The following KIF16B variants were observed in gnomAD, a reference collection of about 807,000 sequenced individuals.
KIF16B encodes kinesin-like protein KIF16B.
A neutral mutation model predicts 156.3 loss-of-function variants in KIF16B; 98 were observed. That is an observed-to-expected ratio of 0.63 (90% CI 0.53 to 0.74). The LOEUF is 0.74. Ranked by LOEUF, KIF16B falls within the 30% of genes least tolerant of loss-of-function variation. KIF16B has a pLI of 0.00. For synonymous variants in KIF16B, 564 were observed against 583.7 expected (o/e 0.97, Z 0.49); for missense variants, 1,421 against 1,606.5 (o/e 0.88, Z 1.97).
At chr20:16,453,302 A>G (rs2067133193) in intron 12 of KIF16B, among the ~76,000 whole-genome samples, 1 of 152,128 alleles carries the variant, frequency 6.6e-6, no homozygotes, top group Non-Finnish European at 1.5e-5. Context: ...TATAAACTAT[A>G]TAAAATGAAT....
chr20:16,488,290 G>A (rs569605394), intron 12 of KIF16B, among the ~76,000 whole-genome samples: 5 of 152,322 alleles, frequency 3.3e-5, no homozygotes, highest in African/African-American at 9.6e-5. Context: ...CCCTTCTGCC[G>A]CACCATCTGT....
At chr20:16,360,742 G>A (rs1007187344) in intron 22 of KIF16B, among the ~76,000 whole-genome samples, 1 of 152,052 alleles carries the variant, frequency 6.6e-6, no homozygotes. Flanking sequence ...TCCATTCTTG[G>A]TGAAACACTG....
At chr20:16,417,557 A>C (rs2066121445) in intron 15 of KIF16B, among the ~76,000 whole-genome samples, 1 of 152,214 alleles carries the variant, frequency 6.6e-6, no homozygotes, top group Non-Finnish European at 1.5e-5. Context: ...AGAAAGAACC[A>C]GGAAAATCCC....
At chr20:16,393,166 A>C (rs2065411696) in intron 17 of KIF16B, among the ~76,000 whole-genome samples, 1 of 152,230 alleles carries the variant, frequency 6.6e-6, no homozygotes, top group Non-Finnish European at 1.5e-5. Context: ...ACTTAAATAT[A>C]TGTACTTAAA....
intron 22 of KIF16B, among the ~76,000 whole-genome samples, chr20:16,369,615 T>C (rs561607717): frequency 1.3e-5 from 2 of 152,300 alleles, no homozygotes; most frequent in African/African-American, 2.4e-5. Context: ...AATTTAGTTA[T>C]GAAAATAAGT....
intron 24 of KIF16B, among the ~76,000 whole-genome samples, chr20:16,324,151 T>C (rs1200883626): frequency 1.3e-5 from 2 of 152,068 alleles, no homozygotes; most frequent in African/African-American, 4.8e-5. Flanking sequence ...ATTTGAATTG[T>C]TGCAGAGACA....
At chr20:16,301,013 G>A (rs141470156) in intron 25 of KIF16B, among the ~76,000 whole-genome samples, 5 of 152,078 alleles carry the variant, frequency 3.3e-5, no homozygotes, top group Admixed American at 2.6e-4. Flanking sequence ...TCAAATCCCT[G>A]GCAACCACTG....
intron 25 of KIF16B, among the ~76,000 whole-genome samples, chr20:16,274,344 T>A (rs1225287761): frequency 6.6e-6 from 1 of 152,130 alleles, no homozygotes; most frequent in Non-Finnish European, 1.5e-5. Context: ...TTATCTGCCG[T>A]TTTTGGCACT....
chr20:16,345,840 G>T (rs2064223385), intron 23 of KIF16B, among the ~76,000 whole-genome samples: 1 of 152,202 alleles, frequency 6.6e-6, no homozygotes, highest in Non-Finnish European at 1.5e-5. Context: ...TGGTGCTCTT[G>T]GGAGAACACA....
Position 16,404,833 on chromosome 20 carries a change from T to C in KIF16B, c.1764A>G (p.Ala588=). 6.2e-7 allele frequency: 1 copy of C among 1,613,232 alleles called. No individual in the cohort carries two copies. Among genetic ancestry groups the C allele is most frequent in the Non-Finnish European group, 8.5e-7 (1 of 1,179,432 alleles). Residue 588 remains alanine, a synonymous_variant, in exon 17 of 26, where the codon GCA becomes GCG. Coordinates refer to ENST00000354981, the MANE Select transcript of KIF16B (RefSeq NM_024704.5). Reference sequence around the variant, plus strand: ...CTCACCCGGGGTTATACAACATGACTGCAGACAGGTTCTCACGGGACTTCG... The same window carrying C: ...CTCACCCGGGGTTATACAACATGACCGCAGACAGGTTCTCACGGGACTTCG... ...DLSKSRENLS[A]VMLYNPGLEF... is the part of the protein sequence containing the mutation.
intron 17 of KIF16B, among the ~76,000 whole-genome samples, chr20:16,388,835 T>G (rs577314025): frequency 6.6e-6 from 1 of 152,142 alleles, no homozygotes; most frequent in Non-Finnish European, 1.5e-5. Flanking sequence ...TTAAATGAAC[T>G]GAAAGCATAA....
intron 23 of KIF16B, among the ~76,000 whole-genome samples, chr20:16,342,047 G>A (rs953370282): frequency 9.9e-5 from 15 of 151,982 alleles, no homozygotes; most frequent in African/African-American, 3.6e-4. Flanking sequence ...CAGCCCCCAG[G>A]GTAGTGTCCA....
chr20:16,366,741 T>C, intron 22 of KIF16B: 1 of 674,580 alleles, frequency 1.5e-6, no homozygotes, highest in Non-Finnish European at 1.8e-6. Context: ...TGAAGGTCAC[T>C]GCTAGACTGG....
chr20:16,418,299 G>A (rs1049975678), intron 15 of KIF16B, among the ~76,000 whole-genome samples: 2 of 152,126 alleles, frequency 1.3e-5, no homozygotes, highest in African/African-American at 4.8e-5. Flanking sequence ...TCAAACACAT[G>A]AGAAGTCAAA....
chr20:16,503,176 A>T (rs1241448512), intron 10 of KIF16B, among the ~76,000 whole-genome samples: 1 of 152,210 alleles, frequency 6.6e-6, no homozygotes, highest in Non-Finnish European at 1.5e-5. Context: ...GCATCACTGC[A>T]CTCCAGCCTG....
At chr20:16,429,203 A>G (rs2066435422) in intron 13 of KIF16B, among the ~76,000 whole-genome samples, 199 bp from the exon 14 acceptor site, 1 of 152,200 alleles carries the variant, frequency 6.6e-6, no homozygotes, top group Non-Finnish European at 1.5e-5. Context: ...ATGTACAGCA[A>G]TGGTGAGGCC....
chr20:16,339,314 T>C (rs2064099424), intron 23 of KIF16B, among the ~76,000 whole-genome samples: 1 of 152,230 alleles, frequency 6.6e-6, no homozygotes, highest in Non-Finnish European at 1.5e-5. Flanking sequence ...AACATCTTTT[T>C]CATTTATTTC....
At chr20:16,492,978 A>G (rs1471019345) in intron 12 of KIF16B, among the ~76,000 whole-genome samples, 2 of 152,202 alleles carry the variant, frequency 1.3e-5, no homozygotes, top group African/African-American at 2.4e-5. Context: ...CAACAAAGTC[A>G]CATATTTGGT....
chr20:16,280,528 T>A (rs1225100135), intron 25 of KIF16B, among the ~76,000 whole-genome samples: 10 of 152,168 alleles, frequency 6.6e-5, no homozygotes, highest in African/African-American at 1.9e-4. Context: ...CGTACAAAGT[T>A]TCCGGTTCAT....
Sources: allele counts gnomAD v4.1 joint callset (sites outside exome capture counted in the v4.1 genomes callset), GRCh38; gene constraint gnomAD v4.1.1; transcripts MANE v1.5; gene names NCBI Gene and HGNC (gene_info 2026-07-23, HGNC 2026-07-21).